Variants in ZFC3H1 observed in about 807,000 individuals in gnomAD.
The protein encoded by ZFC3H1 is zinc finger C3H1 domain-containing protein.
Under a neutral mutation model 243.7 loss-of-function variants are expected in ZFC3H1, and 71 were observed. The ratio of observed to expected loss-of-function variants is 0.29; its 90% CI spans 0.24 to 0.36. ZFC3H1 has a LOEUF of 0.36. Among genes scored for constraint, ZFC3H1 ranks in the 10% least tolerant of loss-of-function variants. The pLI is 1.00. For missense variants in ZFC3H1, 1,966 were observed against 2,317.1 expected (o/e 0.85, Z 3.11); for synonymous variants, 838 against 813.0 (o/e 1.03, Z -0.52).
In ZFC3H1 at chr12:71,629,639, C is replaced by T; in HGVS notation, c.3796G>A (p.Val1266Ile). The T allele has an allele frequency of 6.2e-7, 1 of 1,611,312 alleles. No individual in the cohort carries two copies. The highest frequency in any genetic ancestry group is 1.1e-5 in the South Asian group (1 of 91,024). The change falls in exon 19 of 35, where the codon GTT (valine) becomes ATT (isoleucine). Residue 1266 changes from valine (V) to isoleucine (I), a missense_variant. Coordinates refer to ENST00000378743, the MANE Select transcript of ZFC3H1 (RefSeq NM_144982.5). ...CCTTTACTTTCATTGATATTGCTAA[C>T]AAGGAGAACAGCCATCTGGTCCATT... ...MSMDQMAVLLVSNINESKGHT... is the reference protein window; with the variant it reads ...MSMDQMAVLLISNINESKGHT...
At chr12:71,645,727 G>A (rs1163972165) in intron 3 of ZFC3H1, among the ~76,000 whole-genome samples, 1 of 152,118 alleles carries the variant, frequency 6.6e-6, no homozygotes, top group Non-Finnish European at 1.5e-5. Context: ...GCTAAAACAG[G>A]ACAATAATGT....
intron 6 of ZFC3H1, among the ~76,000 whole-genome samples, chr12:71,639,720 G>A (rs950639753): frequency 6.6e-6 from 1 of 152,110 alleles, no homozygotes; most frequent in African/African-American, 2.4e-5. Flanking sequence ...GAAGGTAGAG[G>A]GTGCCCTCAG....
chr12:71,656,080 A>C (rs969826153), intron 2 of ZFC3H1, among the ~76,000 whole-genome samples: 3 of 152,180 alleles, frequency 2.0e-5, no homozygotes, highest in African/African-American at 7.2e-5. Context: ...GGAAAAGGCA[A>C]AACTATAGGG....
At chr12:71,651,636 G>A (rs1370429538) in intron 2 of ZFC3H1, among the ~76,000 whole-genome samples, 1 of 152,130 alleles carries the variant, frequency 6.6e-6, no homozygotes, top group Non-Finnish European at 1.5e-5. Flanking sequence ...AAACTGTATT[G>A]GGCTAATAAG....
Position 71,630,882 on chromosome 12 carries a change from C to T in ZFC3H1, c.3543G>A (p.Pro1181=), listed in dbSNP as rs186434284. Residue 1181 remains proline, a synonymous_variant, in exon 17 of 35, where the codon CCG becomes CCA. Transcript: ENST00000378743. Reference sequence around the variant, plus strand: ...AATCAAAACGGCAGAAACACTGATCCGGTTCAATCATATTACTGTATGATA... The same window carrying T: ...AATCAAAACGGCAGAAACACTGATCTGGTTCAATCATATTACTGTATGATA... ...SSVSYSNMIE[P]DQCFCRFDLT... is the part of the protein sequence containing the mutation. The T allele has an allele frequency of 1.3e-5, 21 of 1,613,218 alleles. No homozygotes were observed. The highest frequency in any genetic ancestry group is 1.6e-4 in the Middle Eastern group (1 of 6,080).
At position 71,624,166 on chromosome 12, in the gene ZFC3H1, A is replaced by G. The variant is rs747616994; in HGVS notation, c.4444T>C (p.Leu1482=). 1.7e-5 allele frequency: 28 copies of G among 1,613,960 alleles called. No individual in the cohort carries two copies. Among genetic ancestry groups the G allele is most frequent in the Non-Finnish European group, 2.2e-5 (26 of 1,180,026 alleles). The part of the protein sequence containing the change: ...ILSFQLLEAL[L]FRVQLHIFTG... The stretch of plus-strand genomic sequence containing the variant: ...AATATGTGCAGCTGAACTCTAAACA[A>G]AAGAGCCTCTAAAAGCTGAAAGGAC... The change falls in exon 23 of 35, where the codon TTG becomes CTG. Residue 1482 remains leucine, a synonymous_variant. Coordinates refer to ENST00000378743, the MANE Select transcript of ZFC3H1 (RefSeq NM_144982.5).
chr12:71,614,779 C>T (rs140688050), intron 29 of ZFC3H1, 55 bp downstream of exon 29: 4 of 1,593,460 alleles, frequency 2.5e-6, no homozygotes, highest in African/African-American at 1.3e-5. Context: ...ACCCCTTTCC[C>T]GATCATACCC....
At position 71,613,342 on chromosome 12, in the gene ZFC3H1, C is replaced by A; in HGVS notation, c.5620G>T (p.Ala1874Ser). The change falls in exon 31 of 35, where the codon GCA (alanine) becomes TCA (serine). Residue 1874 changes from alanine to serine, a missense_variant. By Grantham distance (99) the Ala-to-Ser change is moderately conservative. Coordinates refer to ENST00000378743, the MANE Select transcript of ZFC3H1 (RefSeq NM_144982.5). ...CSVMPANSGL[A>S]LRLLQHEWEE... The stretch of plus-strand genomic sequence containing the variant: ...ATGTTAAGTTTTTCTTACCTCAATG[C>A]AAGTCCAGAATTAGCTGGCATAACT... The A allele has an allele frequency of 6.2e-7, 1 of 1,608,150 alleles. No individual in the cohort carries two copies. Among genetic ancestry groups the A allele is most frequent in the Non-Finnish European group, 8.5e-7 (1 of 1,176,418 alleles).
At chr12:71,614,769 A>G (rs1879854060) in intron 29 of ZFC3H1, 65 bp downstream of exon 29, 2 of 1,588,456 alleles carry the variant, frequency 1.3e-6, no homozygotes, top group Non-Finnish European at 1.7e-6. Flanking sequence ...AAAGCTGGTC[A>G]CCCCTTTCCC....
chr12:71,659,418 G>C (rs1881106676), intron 1 of ZFC3H1, among the ~76,000 whole-genome samples: 1 of 152,024 alleles, frequency 6.6e-6, no homozygotes, highest in Admixed American at 6.6e-5. Flanking sequence ...GTCTAAGTTT[G>C]TCTGTTCTTC....
intron 30 of ZFC3H1, chr12:71,613,803 T>G (rs1218051107): frequency 6.3e-6 from 1 of 157,570 alleles, no homozygotes; most frequent in Non-Finnish European, 1.4e-5. Context: ...CATAAAGTGG[T>G]TTGAGATCCT....
chr12:71,656,334 A>T (rs1881018558), intron 2 of ZFC3H1: 1 of 397,262 alleles, frequency 2.5e-6, no homozygotes, highest in African/African-American at 2.1e-5. Flanking sequence ...AAACAAGCCA[A>T]ATCCATGATT....
intron 31 of ZFC3H1, 61 bp downstream of exon 31, chr12:71,613,274 T>A (rs1457266836): frequency 1.7e-6 from 2 of 1,208,810 alleles, no homozygotes; most frequent in African/African-American, 1.5e-5. Flanking sequence ...TCAAGAATAA[T>A]CTTATATAAA....
rs1215387785 is a variant in ZFC3H1 at position 71,632,918 on chromosome 12, C to G, written c.2785G>C (p.Gly929Arg). The change falls in exon 14 of 35, where the codon GGA becomes CGA. Residue 929 changes from glycine to arginine, a missense_variant. Physicochemically the swap from Gly to Arg is moderately radical, Grantham distance 125. Transcript: ENST00000378743. ...RAKAVASKEI[G>R]KRKLEQDRFG... ...CGATCTTGTTCCAGTTTACGTTTTC[C>G]TATTTCTTTACTGGCCACTGCCTTT... The G allele has an allele frequency of 6.2e-7, 1 of 1,612,880 alleles. No individual in the cohort carries two copies. The highest frequency in any genetic ancestry group is 1.3e-5 in the African/African-American group (1 of 74,828).
rs1444593644 is a variant in ZFC3H1 at position 71,626,686 on chromosome 12, A to G, written c.4131-240T>C. ...AATGTTCAGTAAGCATTTACCACAG[A>G]TAAAAGTACAGTGTTATAAAACCAC... On this transcript the variant is annotated intron_variant, in intron 21 of 34. Coordinates refer to ENST00000378743, the MANE Select transcript of ZFC3H1 (RefSeq NM_144982.5). Among the ~76,000 whole-genome samples, 4 of 152,364 alleles carry G rather than the reference A, an allele frequency of 2.6e-5. No individual in the cohort carries two copies. The East Asian group carries it at 7.7e-4, about 29-fold the overall frequency.
At chr12:71,662,962 T>C in intron 1 of ZFC3H1, 51 bp downstream of exon 1, 1 of 1,516,856 alleles carries the variant, frequency 6.6e-7, no homozygotes, top group Non-Finnish European at 8.8e-7. Context: ...GTAATGACGC[T>C]AAAGGGAACT....
At chr12:71,637,622 A>G (rs1305918315) in intron 7 of ZFC3H1, among the ~76,000 whole-genome samples, 1 of 152,212 alleles carries the variant, frequency 6.6e-6, no homozygotes. Context: ...ATTTGCATCA[A>G]AGATCTTCCA....
chr12:71,614,619 A>G lies in ZFC3H1; in HGVS notation c.5442T>C (p.Asn1814=), dbSNP rs777390668. ...GGGCAGGGACTGTAACCAAACATCT[A>G]TTCACTAAATCAGTAAAAAATTTGA... The part of the protein sequence containing the change: ...QEFKFFTDLV[N]RCLVTVPARY... The change falls in exon 30 of 35, where the codon AAT becomes AAC. Residue 1814 remains asparagine, a synonymous_variant. Transcript: ENST00000378743. 6 of 1,613,630 alleles carry G rather than the reference A, an allele frequency of 3.7e-6. No individual in the cohort carries two copies. The highest frequency in any genetic ancestry group is 1.1e-5 in the South Asian group (1 of 91,018).
intron 19 of ZFC3H1, 74 bp downstream of exon 19, chr12:71,629,535 C>G: frequency 1.0e-6 from 1 of 986,920 alleles, no homozygotes; most frequent in East Asian, 2.4e-5. Context: ...ACTAAAAAGT[C>G]CTTTTCAGAA....
Sources: allele counts gnomAD v4.1 joint callset (sites outside exome capture counted in the v4.1 genomes callset), GRCh38; gene constraint gnomAD v4.1.1; transcripts MANE v1.5; gene names NCBI Gene and HGNC (gene_info 2026-07-23, HGNC 2026-07-21).